THSD7B: variants seen among roughly 807,000 people sequenced by gnomAD.
THSD7B encodes the protein thrombospondin type-1 domain-containing protein 7B.
THSD7B carries 138 observed loss-of-function variants against 213.6 expected under a neutral mutation model. The observed-to-expected ratio is 0.65, with a 90% CI of 0.56 to 0.74. THSD7B has a LOEUF of 0.74. Ranked by LOEUF, THSD7B falls within the 30% of genes least tolerant of loss-of-function variation. THSD7B has a pLI of 0.00. For synonymous variants in THSD7B, 742 were observed against 687.0 expected (o/e 1.08, Z -1.25); for missense variants, 1,931 against 1,991.5 (o/e 0.97, Z 0.58).
chr2:137,209,305 C>T (rs1480189225), intron 7 of THSD7B, among the ~76,000 whole-genome samples: 3 of 152,016 alleles, frequency 2.0e-5, no homozygotes, highest in Admixed American at 2.0e-4. Flanking sequence ...TGAAGATGGG[C>T]ATCATGCTTT....
chr2:137,153,604 G>A (rs1432227), intron 5 of THSD7B, among the ~76,000 whole-genome samples: 106,810 of 151,990 alleles, frequency 0.7, 37,729 homozygotes, highest in Non-Finnish European at 0.74. Flanking sequence ...CTGATTCATT[G>A]TTTTGCAAAT....
intron 15 of THSD7B, among the ~76,000 whole-genome samples, chr2:137,504,013 G>A (rs1357097994): frequency 6.8e-5 from 10 of 146,146 alleles, no homozygotes; most frequent in East Asian, 6.0e-4. Context: ...GCGACAGAGT[G>A]AGACTCCATC....
chr2:137,075,365 C>A (rs62171243), intron 3 of THSD7B, among the ~76,000 whole-genome samples: 2 of 152,260 alleles, frequency 1.3e-5, no homozygotes, highest in Non-Finnish European at 2.9e-5. Context: ...CTCTTTCTTC[C>A]AGTTGATCGC....
intron 15 of THSD7B, among the ~76,000 whole-genome samples, chr2:137,475,235 T>A (rs1271831167): frequency 6.6e-6 from 1 of 152,196 alleles, no homozygotes; most frequent in East Asian, 1.9e-4. Context: ...ATTTATGGGT[T>A]ACATATAACA....
chr2:136,825,456 C>T (rs577569990), intron 1 of THSD7B, among the ~76,000 whole-genome samples: 20 of 152,184 alleles, frequency 1.3e-4, no homozygotes, highest in African/African-American at 4.6e-4. Context: ...GCTTATGGTC[C>T]CTTCCTCCAC....
chr2:137,198,246 G>T (rs551602096), intron 7 of THSD7B, among the ~76,000 whole-genome samples: 1 of 152,114 alleles, frequency 6.6e-6, no homozygotes, highest in East Asian at 1.9e-4. Context: ...CTTCCTTCTG[G>T]GATTCCTCTT....
chr2:137,313,277 C>A (rs953271000), intron 12 of THSD7B, among the ~76,000 whole-genome samples: 2 of 152,000 alleles, frequency 1.3e-5, no homozygotes, highest in Non-Finnish European at 2.9e-5. Context: ...TTCTTTGTCT[C>A]TTTTGATCTT....
intron 1 of THSD7B, among the ~76,000 whole-genome samples, chr2:136,817,967 A>G (rs1279302717): frequency 1.3e-5 from 2 of 150,686 alleles, no homozygotes; most frequent in East Asian, 1.9e-4. Context: ...AACTAGTTCA[A>G]CCATTGTGGA....
intron 2 of THSD7B, among the ~76,000 whole-genome samples, chr2:136,892,791 C>T (rs1170004282): frequency 6.6e-6 from 1 of 152,046 alleles, no homozygotes; most frequent in Admixed American, 6.6e-5. Flanking sequence ...CTTAGAGTGT[C>T]TAGGTCCCAA....
At chr2:136,919,075 C>T (rs919890194) in intron 2 of THSD7B, among the ~76,000 whole-genome samples, 5 of 152,132 alleles carry the variant, frequency 3.3e-5, no homozygotes, top group Non-Finnish European at 5.9e-5. Flanking sequence ...TGGTGTTTCC[C>T]AAACCCCAAA....
At chr2:137,227,811 T>G (rs112179464) in intron 7 of THSD7B, among the ~76,000 whole-genome samples, 1,779 of 152,268 alleles carry the variant, frequency 0.012, 27 homozygotes, top group African/African-American at 0.041. Flanking sequence ...GTAAAGCAAG[T>G]GCTTTTCATG....
intron 20 of THSD7B, 24 bp downstream of exon 20, chr2:137,620,750 A>C: frequency 6.4e-7 from 1 of 1,572,262 alleles, no homozygotes; most frequent in African/African-American, 1.4e-5. Context: ...CATATTTCCC[A>C]CTAACTAGTG....
At position 137,625,298 on chromosome 2, in the gene THSD7B, G is replaced by C. The variant is rs1682601444; in HGVS notation, c.3799+4572G>C. 2.4e-5 allele frequency among the ~76,000 whole-genome samples: 3 copies of C among 126,852 alleles called. No homozygotes were observed. In the Admixed American group the frequency reaches 2.8e-4, roughly 12 times the overall value. 83.2% of individuals were successfully genotyped at this position (126,852 alleles called of 152,430 possible). A position where few individuals can be genotyped will look rare whatever the true frequency, so the allele number is the denominator to read the frequency against. On this transcript the variant is annotated intron_variant, in intron 20 of 27. Coordinates refer to ENST00000409968, the MANE Select transcript of THSD7B (RefSeq NM_001316349.2). ...AATGAAAACACTTGGACACAGGGTGGGGAACATCACACACTGGGACCTGTC... is the reference window on the plus strand; with the variant it reads ...AATGAAAACACTTGGACACAGGGTGCGGAACATCACACACTGGGACCTGTC...
intron 15 of THSD7B, among the ~76,000 whole-genome samples, chr2:137,523,991 T>C (rs941378253): frequency 2.6e-5 from 4 of 152,200 alleles, no homozygotes; most frequent in Non-Finnish European, 5.9e-5. Flanking sequence ...GGATTTTTTT[T>C]CCATTAAAAT....
At chr2:136,831,182 C>G (rs1025274398) in intron 1 of THSD7B, among the ~76,000 whole-genome samples, 1 of 119,808 alleles carries the variant, frequency 8.3e-6, no homozygotes, top group African/African-American at 3.1e-5. Flanking sequence ...TTTTCATCCT[C>G]TTTTCATCAG....
intron 2 of THSD7B, among the ~76,000 whole-genome samples, chr2:137,053,531 T>C (rs917186662): frequency 1.3e-5 from 2 of 149,620 alleles, no homozygotes; most frequent in African/African-American, 4.9e-5. Flanking sequence ...TGATTTCAAA[T>C]AACCAAAAAA....
chr2:137,157,760 A>G (rs112128445), intron 5 of THSD7B, among the ~76,000 whole-genome samples: 1,994 of 152,332 alleles, frequency 0.013, 36 homozygotes, highest in African/African-American at 0.046. Context: ...ACTAGAGAGA[A>G]TAATAACAAC....
At chr2:136,821,876 A>G (rs911814458) in intron 1 of THSD7B, among the ~76,000 whole-genome samples, 2 of 152,224 alleles carry the variant, frequency 1.3e-5, no homozygotes, top group African/African-American at 4.8e-5. Flanking sequence ...TGCAAACTTT[A>G]GAAACACAGA....
chr2:137,381,922 G>A (rs1353050243), intron 12 of THSD7B, among the ~76,000 whole-genome samples: 8 of 152,154 alleles, frequency 5.3e-5, no homozygotes, highest in African/African-American at 9.7e-5. Context: ...GCCACTGGAC[G>A]ACTGGAGGCC....
Sources: allele counts gnomAD v4.1 joint callset (sites outside exome capture counted in the v4.1 genomes callset), GRCh38; gene constraint gnomAD v4.1.1; transcripts MANE v1.5; gene names NCBI Gene and HGNC (gene_info 2026-07-23, HGNC 2026-07-21).